SNTG2: variants seen among roughly 807,000 people sequenced by gnomAD.
SNTG2 encodes syntrophin gamma 2.
In SNTG2, 74 loss-of-function variants were observed where a neutral mutation model predicts 70.9. The ratio of observed to expected loss-of-function variants is 1.04; its 90% confidence interval spans 0.86 to 1.27. The LOEUF is 1.27. Among genes scored for constraint, SNTG2 ranks in the 50% most tolerant of loss-of-function variants. SNTG2 has a pLI of 0.00. For synonymous variants in SNTG2, 278 were observed against 273.8 expected (o/e 1.02, Z -0.15); for missense variants, 717 against 690.7 (o/e 1.04, Z -0.43).
intron 11 of SNTG2, among the ~76,000 whole-genome samples, chr2:1,245,038 G>A (rs976083249): frequency 2.0e-5 from 3 of 147,038 alleles, no homozygotes; most frequent in Non-Finnish European, 3.0e-5. Flanking sequence ...ACCAAACACC[G>A]CATGTTCTCA....
At chr2:1,273,858 TGAA>T (rs990754945) in intron 14 of SNTG2, among the ~76,000 whole-genome samples, 1 of 151,910 alleles carries the variant, frequency 6.6e-6, no homozygotes, top group African/African-American at 2.4e-5. Context: ...GCTAATATAA[TGAA>T]GAGAAGATAT....
At chr2:1,202,625 T>C (rs1673347450) in intron 8 of SNTG2, among the ~76,000 whole-genome samples, 1 of 152,146 alleles carries the variant, frequency 6.6e-6, no homozygotes, top group Non-Finnish European at 1.5e-5. Context: ...AAGGTAAAAG[T>C]TGTCAGACTG....
Position 1,355,319 on chromosome 2 carries a change from C to G in SNTG2, c.1489-12024C>G, listed in dbSNP as rs546788765. 3.9e-5 allele frequency among the ~76,000 whole-genome samples: 6 copies of G among 152,268 alleles called. 1 individual carries two copies. Among genetic ancestry groups the G allele is most frequent in the South Asian group, 2.1e-4 (1 of 4,816 alleles). On this transcript the variant is annotated intron_variant, in intron 16 of 16. Coordinates refer to ENST00000308624, the MANE Select transcript of SNTG2 (RefSeq NM_018968.4). ...CCTGCGCCCCTTTATCTCACATGAC[C>G]GAAACTGCACCCGTGGAACGGCAAC... is the stretch of plus-strand genomic sequence containing the variant.
At chr2:981,796 G>A (rs1558292251) in intron 1 of SNTG2, among the ~76,000 whole-genome samples, 1 of 152,074 alleles carries the variant, frequency 6.6e-6, no homozygotes, top group Admixed American at 6.5e-5. Context: ...AAGCAGACAT[G>A]TATACCATGC....
At chr2:1,143,581 A>G (rs577779096) in intron 6 of SNTG2, among the ~76,000 whole-genome samples, 52 of 151,662 alleles carry the variant, frequency 3.4e-4, no homozygotes, top group Middle Eastern at 3.4e-3. Flanking sequence ...CGAAAATATG[A>G]TATTTGGCCA....
chr2:1,141,533 A>G (rs529168984), intron 6 of SNTG2, among the ~76,000 whole-genome samples: 4 of 152,258 alleles, frequency 2.6e-5, no homozygotes, highest in Non-Finnish European at 5.9e-5. Context: ...GATATTTACA[A>G]TAGAGCACTC....
chr2:1,325,856 T>G (rs1330741115), intron 16 of SNTG2, among the ~76,000 whole-genome samples: 1 of 151,896 alleles, frequency 6.6e-6, no homozygotes, highest in Non-Finnish European at 1.5e-5. Flanking sequence ...TTTTTTGAGA[T>G]GGAGTCTCAC....
chr2:1,190,263 G>A (rs1469652180), intron 8 of SNTG2, among the ~76,000 whole-genome samples: 3 of 151,722 alleles, frequency 2.0e-5, no homozygotes, highest in Non-Finnish European at 4.4e-5. Context: ...AATTATTTGT[G>A]TATAACTTGC....
At chr2:1,140,500 T>C (rs1223990604) in intron 6 of SNTG2, among the ~76,000 whole-genome samples, 1 of 152,092 alleles carries the variant, frequency 6.6e-6, no homozygotes, top group East Asian at 1.9e-4. Flanking sequence ...CAGCAGGAGC[T>C]GCCGGTTCCT....
intron 16 of SNTG2, among the ~76,000 whole-genome samples, chr2:1,320,506 G>C (rs1425688412): frequency 7.5e-6 from 1 of 133,770 alleles, no homozygotes; most frequent in South Asian, 2.3e-4. Flanking sequence ...CTGTACTCCA[G>C]CCTGAGTGAC....
intron 14 of SNTG2, among the ~76,000 whole-genome samples, chr2:1,282,887 C>T (rs963776001): frequency 4.6e-5 from 7 of 152,206 alleles, no homozygotes; most frequent in Admixed American, 1.3e-4. Flanking sequence ...AGATGAGCTC[C>T]CTTTGCTCAC....
intron 16 of SNTG2, among the ~76,000 whole-genome samples, chr2:1,342,289 GCAGCAGC>G (rs1470086476): frequency 1.8e-5 from 2 of 109,692 alleles, no homozygotes; most frequent in East Asian, 4.5e-4. Context: ...CTGTAGGACA[GCAGCAGC>G]TTCCTCTCAC....
intron 1 of SNTG2, among the ~76,000 whole-genome samples, chr2:970,420 C>G (rs1202243970): frequency 7.9e-6 from 1 of 126,688 alleles, no homozygotes; most frequent in Non-Finnish European, 1.6e-5. Flanking sequence ...CCTCCCCCCT[C>G]CCCCCACCCC....
chr2:1,065,468 G>A lies in SNTG2; in HGVS notation c.73-18050G>A, dbSNP rs1351916010. Among the ~76,000 whole-genome samples, 3 of 152,294 alleles carry A rather than the reference G, an allele frequency of 2.0e-5. No individual in the cohort carries two copies. The East Asian group carries it at 5.8e-4, about 29-fold the overall frequency. ...ACCCTCTGAGAGTGTTTTGGATGAG[G>A]TCAAACGAGTAAATTTCTTAACTAT... On this transcript the variant is annotated intron_variant, in intron 1 of 16. Transcript: ENST00000308624.
chr2:1,134,483 A>G (rs1243102861), intron 4 of SNTG2, among the ~76,000 whole-genome samples: 3 of 150,756 alleles, frequency 2.0e-5, no homozygotes, highest in African/African-American at 7.2e-5. Flanking sequence ...TCCATCAGGT[A>G]GCTAGATACA....
intron 1 of SNTG2, among the ~76,000 whole-genome samples, chr2:1,022,127 G>A (rs1389497278): frequency 6.6e-6 from 1 of 151,996 alleles, no homozygotes; most frequent in Non-Finnish European, 1.5e-5. Flanking sequence ...GAGGTGAACT[G>A]AAAACTATGA....
chr2:971,347 G>A (rs2147956296), intron 1 of SNTG2, among the ~76,000 whole-genome samples: 1 of 152,032 alleles, frequency 6.6e-6, no homozygotes, highest in South Asian at 2.1e-4. Context: ...TTATGTTACT[G>A]GTCTGTTCAG....
chr2:1,144,359 T>G (rs1668961989), intron 6 of SNTG2, among the ~76,000 whole-genome samples: 1 of 152,166 alleles, frequency 6.6e-6, no homozygotes, highest in Admixed American at 6.5e-5. Flanking sequence ...ATCAATCCAC[T>G]GCATATAATG....
At chr2:1,288,266 C>T (rs1234903916) in intron 14 of SNTG2, among the ~76,000 whole-genome samples, 1 of 152,170 alleles carries the variant, frequency 6.6e-6, no homozygotes, top group Non-Finnish European at 1.5e-5. Flanking sequence ...GATCTGACAT[C>T]ATATCTAGAC....
Sources: allele counts gnomAD v4.1 joint callset (sites outside exome capture counted in the v4.1 genomes callset), GRCh38; gene constraint gnomAD v4.1.1; transcripts MANE v1.5; gene names NCBI Gene and HGNC (gene_info 2026-07-23, HGNC 2026-07-21).